PGM2L1: variants seen among roughly 807,000 people sequenced by gnomAD.
The protein encoded by PGM2L1 is phosphoglucomutase 2 like 1.
Under a neutral mutation model 73.4 loss-of-function variants are expected in PGM2L1, and 35 were observed. The observed-to-expected ratio is 0.48, with a 90% CI of 0.36 to 0.63. The LOEUF is 0.63. Ranked by LOEUF, PGM2L1 falls within the 30% of genes least tolerant of loss-of-function variation. The pLI is 0.00. For synonymous variants in PGM2L1, 225 were observed against 253.8 expected, an observed-to-expected ratio of 0.89 and a Z score of 1.08; for missense variants, 570 against 742.0, an observed-to-expected ratio of 0.77 and a Z score of 2.69.
intron 13 of PGM2L1, among the ~76,000 whole-genome samples, chr11:74,337,354 A>G (rs1591162349): frequency 6.6e-6 from 1 of 152,246 alleles, no homozygotes; most frequent in East Asian, 1.9e-4. Flanking sequence ...TTCATTTTCA[A>G]CCAGATGTAG....
chr11:74,354,393 C>A, intron 5 of PGM2L1: 1 of 587,520 alleles, frequency 1.7e-6, no homozygotes, highest in South Asian at 2.5e-5. Context: ...GCTTTCTGCC[C>A]GTGGATGCTG....
chr11:74,336,839 CTG>C, intron 13 of PGM2L1, 85 bp from the exon 14 acceptor site: 1 of 829,820 alleles, frequency 1.2e-6, no homozygotes, highest in Non-Finnish European at 1.8e-6. Context: ...TTAAGAGGTC[CTG>C]ATGGAGTCAT....
chr11:74,388,016 T>C (rs1307061026), intron 1 of PGM2L1, among the ~76,000 whole-genome samples: 2 of 152,200 alleles, frequency 1.3e-5, no homozygotes, highest in Non-Finnish European at 2.9e-5. Context: ...ATTGTACATG[T>C]TGTTCTATAA....
intron 1 of PGM2L1, among the ~76,000 whole-genome samples, chr11:74,383,502 G>A (rs1019103042): frequency 1.2e-4 from 18 of 151,886 alleles, no homozygotes; most frequent in Non-Finnish European, 5.9e-5. Flanking sequence ...CAGTTACATA[G>A]GTAAATGTGT....
chr11:74,354,916 CTG>C (rs1362296923), intron 5 of PGM2L1: 6 of 869,010 alleles, frequency 6.9e-6, no homozygotes, highest in South Asian at 2.6e-5. Context: ...GACCATGACT[CTG>C]TGGATAAGAC....
chr11:74,336,716 A>G lies in PGM2L1; in HGVS notation c.1805T>C (p.Ile602Thr), dbSNP rs759127837. The change falls in exon 14 of 14, where the codon ATT (isoleucine) becomes ACT (threonine). Residue 602 changes from isoleucine (I) to threonine (T), a missense_variant. Ile to Thr is a moderately conservative substitution (Grantham distance 89). Coordinates refer to ENST00000298198, the MANE Select transcript of PGM2L1 (RefSeq NM_173582.6). ...ALLEEELKKLIDALIENFLQP... is the reference protein window; with the variant it reads ...ALLEEELKKLTDALIENFLQP... ...AAGAAAATTCTCTATCAGAGCATCA[A>G]TGAGTTTCTTCAGTTCTTCCTCCAG... The G allele has an allele frequency of 1.5e-5, 24 of 1,612,862 alleles. No homozygotes were observed. The highest frequency in any genetic ancestry group is 2.7e-5 in the African/African-American group (2 of 74,886).
At chr11:74,360,362 G>A (rs1247788290) in intron 5 of PGM2L1, among the ~76,000 whole-genome samples, 1 of 151,992 alleles carries the variant, frequency 6.6e-6, no homozygotes, top group Non-Finnish European at 1.5e-5. Context: ...AGTGGTACAT[G>A]CCTATAGCCC....
chr11:74,332,937 G>T lies in PGM2L1; in HGVS notation c.*3715C>A, dbSNP rs111826119. 0.028 allele frequency: 4,196 copies of T among 152,318 alleles called. 76 individuals carry two copies. The highest frequency in any genetic ancestry group is 0.085 in the Middle Eastern group (25 of 294). 9.4% of individuals were successfully genotyped at this position (152,318 alleles called of 1,614,324 possible). A position where few individuals can be genotyped will look rare whatever the true frequency, so the allele number is the denominator to read the frequency against. ...ATTTTGTTCAAGTCTCACTTAATTT[G>T]CCAGGTTAAATTAAAAATAACAGTG... On this transcript the variant is annotated 3_prime_UTR_variant, in exon 14 of 14. Transcript: ENST00000298198.
At position 74,336,662 on chromosome 11, in the gene PGM2L1, C is replaced by T. The variant is rs368706989; in HGVS notation, c.1859G>A (p.Arg620His). The change falls in exon 14 of 14, where the codon CGT (arginine) becomes CAT (histidine). Residue 620 changes from arginine (R) to histidine (H), a missense_variant. Physicochemically the swap from Arg to His is conservative, Grantham distance 29. Transcript: ENST00000298198. ...CATATTGGTGTACCCCTAAACAGAACGCCAGATCAGTCCATTCTTACTAGG... is the reference window on the plus strand; with the variant it reads ...CATATTGGTGTACCCCTAAACAGAATGCCAGATCAGTCCATTCTTACTAGG... Reference protein sequence around the residue: ...LQPSKNGLIWRSV With the variant: ...LQPSKNGLIWHSV 20 of 1,605,606 alleles carry T rather than the reference C, an allele frequency of 1.2e-5. No individual in the cohort carries two copies. Among genetic ancestry groups the T allele is most frequent in the African/African-American group, 5.4e-5 (4 of 74,586 alleles).
intron 1 of PGM2L1, among the ~76,000 whole-genome samples, chr11:74,392,086 G>A (rs1315267490): frequency 2.0e-5 from 3 of 152,070 alleles, no homozygotes; most frequent in Admixed American, 6.6e-5. Context: ...AATATCTAAA[G>A]CTTTAAAATA....
Position 74,338,454 on chromosome 11 carries a change from A to C in PGM2L1, c.1766+14T>G. 6.5e-7 allele frequency: 1 copy of C among 1,529,346 alleles called. No individual in the cohort carries two copies. 94.7% of individuals were successfully genotyped at this position (1,529,346 alleles called of 1,614,324 possible). On this transcript the variant is annotated intron_variant, in intron 13 of 13. Coordinates refer to ENST00000298198, the MANE Select transcript of PGM2L1 (RefSeq NM_173582.6). ...AAGCTTTTGTATGTATATCTTAAAA[A>C]AATCAATTCTTACCTCTGGTCAGGT... is the stretch of plus-strand genomic sequence containing the variant.
intron 1 of PGM2L1, among the ~76,000 whole-genome samples, chr11:74,386,599 C>T (rs551622254): frequency 2.3e-4 from 35 of 152,006 alleles, no homozygotes; most frequent in Non-Finnish European, 4.1e-4. Context: ...CCTAAGCCTC[C>T]CAAGTAGCTG....
chr11:74,379,251 G>C (rs1166460367), intron 1 of PGM2L1, among the ~76,000 whole-genome samples: 1 of 152,070 alleles, frequency 6.6e-6, no homozygotes, highest in Non-Finnish European at 1.5e-5. Context: ...GAGCTGCCAG[G>C]CTCTTCAACA....
At position 74,342,454 on chromosome 11, in the gene PGM2L1, T is replaced by G; in HGVS notation, c.1632+7A>C. On this transcript the variant is annotated splice_region_variant and intron_variant, in intron 12 of 13. Transcript: ENST00000298198. Reference sequence around the variant, plus strand: ...TAAATTGTTTGGAAAAAAAAAAAGGTACTTACTGATTTCTTATTAGGCTGG... The same window carrying G: ...TAAATTGTTTGGAAAAAAAAAAAGGGACTTACTGATTTCTTATTAGGCTGG... The G allele has an allele frequency of 7.1e-7, 1 of 1,417,260 alleles. No individual in the cohort carries two copies. Among genetic ancestry groups the G allele is most frequent in the Admixed American group, 2.7e-5 (1 of 37,458 alleles). 87.8% of individuals were successfully genotyped at this position (1,417,260 alleles called of 1,614,324 possible).
intron 8 of PGM2L1, among the ~76,000 whole-genome samples, chr11:74,346,023 G>T (rs56867390): frequency 0.026 from 3,929 of 151,978 alleles, 170 homozygotes; most frequent in African/African-American, 0.091. Flanking sequence ...GCAGCACTTT[G>T]GGGGGCCAAG....
At chr11:74,394,060 C>T (rs639525) in intron 1 of PGM2L1, among the ~76,000 whole-genome samples, 97,175 of 151,726 alleles carry the variant, frequency 0.64, 33,172 homozygotes, top group Non-Finnish European at 0.79. Context: ...GTCATCTGTT[C>T]GCTGCCTGGA....
rs1357161033 is a variant in PGM2L1, at chr11:74,332,546, TG to T, written c.*4105del. ...AATAGTCCTTCACAGTAACAAAATG[TG>T]CAAGGGTGCCTAGGAAAAGTGGGAG... is the stretch of plus-strand genomic sequence containing the variant. On this transcript the variant is annotated 3_prime_UTR_variant, in exon 14 of 14. Transcript: ENST00000298198. 22 of 152,610 alleles carry T rather than the reference TG, an allele frequency of 1.4e-4. No homozygotes were observed. The highest frequency in any genetic ancestry group is 5.3e-4 in the African/African-American group (22 of 41,450). The allele number at this position is 152,610 out of a possible 1,614,324, so 9.5% of individuals were successfully genotyped here. A position where few individuals can be genotyped will look rare whatever the true frequency, so the allele number is the denominator to read the frequency against.
intron 1 of PGM2L1, among the ~76,000 whole-genome samples, chr11:74,391,099 ATAACT>A (rs1863095531): frequency 6.6e-6 from 1 of 152,110 alleles, no homozygotes; most frequent in Admixed American, 6.5e-5. Context: ...TTTTTAGACC[ATAACT>A]TAACTTACTC....
At chr11:74,367,983 C>T (rs539813564) in intron 5 of PGM2L1, among the ~76,000 whole-genome samples, 7 of 152,238 alleles carry the variant, frequency 4.6e-5, no homozygotes, top group African/African-American at 1.7e-4. Flanking sequence ...AGCCCCAAAT[C>T]GTGGTTCAAT....
Sources: allele counts gnomAD v4.1 joint callset (sites outside exome capture counted in the v4.1 genomes callset), GRCh38; gene constraint gnomAD v4.1.1; transcripts MANE v1.5; gene names NCBI Gene and HGNC (gene_info 2026-07-23, HGNC 2026-07-21).